The following DPP6 variants were observed in gnomAD, a reference collection of about 807,000 sequenced individuals.
DPP6 encodes A-type potassium channel modulatory protein DPP6.
DPP6 carries 69 observed loss-of-function variants against 122.6 expected under a neutral mutation model. That is an observed-to-expected ratio of 0.56 (90% confidence interval 0.46 to 0.69). DPP6 has a LOEUF of 0.69. DPP6 is among the 30% of genes least tolerant of loss of function. The pLI is 0.00. For missense variants in DPP6, 928 were observed against 1,116.9 expected, an observed-to-expected ratio of 0.83 and a Z score of 2.41; for synonymous variants, 418 against 433.1, an observed-to-expected ratio of 0.97 and a Z score of 0.43.
upstream of DPP6, among the ~76,000 whole-genome samples, chr7:154,049,347 G>A (rs1800179169): frequency 7.2e-6 from 1 of 138,242 alleles, no homozygotes; most frequent in Admixed American, 7.2e-5. Context: ...GAGGTGAAAG[G>A]TGATTAGAGA....
intron 4 of DPP6, among the ~76,000 whole-genome samples, chr7:154,548,333 G>A (rs773330511): frequency 2.6e-5 from 4 of 152,100 alleles, no homozygotes; most frequent in Admixed American, 6.6e-5. Context: ...GGGAGGCTGA[G>A]GTGGGCGGAT....
intron 1 of DPP6, among the ~76,000 whole-genome samples, chr7:154,108,551 C>T (rs3095188): frequency 5.1e-4 from 77 of 152,274 alleles, no homozygotes; most frequent in African/African-American, 1.7e-3. Context: ...CATGCGGTGC[C>T]TAGCATCACC....
chr7:154,459,951 G>T (rs1821146966), intron 2 of DPP6, among the ~76,000 whole-genome samples: 2 of 141,014 alleles, frequency 1.4e-5, no homozygotes, highest in Admixed American at 7.1e-5. Context: ...TCTGATTTAA[G>T]TCTTCTGATA....
At chr7:154,478,473 A>C (rs1040864048) in intron 3 of DPP6, among the ~76,000 whole-genome samples, 6 of 152,084 alleles carry the variant, frequency 3.9e-5, no homozygotes, top group African/African-American at 1.4e-4. Flanking sequence ...TCATAACATC[A>C]TCATCAAGAT....
At chr7:154,192,252 C>T (rs1023248838) in intron 1 of DPP6, among the ~76,000 whole-genome samples, 10 of 152,204 alleles carry the variant, frequency 6.6e-5, no homozygotes, top group Admixed American at 3.9e-4. Flanking sequence ...AATTGTACAA[C>T]GTCTTGATAG....
rs957783816 is a variant in DPP6, at chr7:154,535,880, G to T, written c.458-4652G>T. Among the ~76,000 whole-genome samples, 3 of 152,144 alleles carry T rather than the reference G, an allele frequency of 2.0e-5. No individual in the cohort carries two copies. The East Asian group carries it at 5.8e-4, about 29-fold the overall frequency. On this transcript the variant is annotated intron_variant, in intron 3 of 25. Coordinates refer to ENST00000377770, the MANE Select transcript of DPP6 (RefSeq NM_130797.4). ...AATAGACTGATTTTGCCAACTGATA[G>T]TGAAGAAATGATGTGCATGTGACTC...
the DPP6 span, among the ~76,000 whole-genome samples, chr7:153,862,599 A>G: frequency 6.6e-6 from 1 of 152,202 alleles, no homozygotes; most frequent in African/African-American, 2.4e-5. Context: ...TAATGCCTAA[A>G]CATCTTTCTC....
chr7:154,060,581 A>G lies in DPP6; in HGVS notation c.243+7518A>G, dbSNP rs1801641178. Among the ~76,000 whole-genome samples the G allele has an allele frequency of 2.9e-5, 3 of 102,272 alleles. 1 individual carries two copies. Among genetic ancestry groups the G allele is most frequent in the African/African-American group, 9.1e-5 (2 of 21,860 alleles). The allele number at this position is 102,272 out of a possible 152,430, so 67.1% of individuals were successfully genotyped here. ...TCCGACGGCAGGTACCTTACGTGGGATTACTGAGAGCCAGTCCCTCTTCCC... is the reference window on the plus strand; with the variant it reads ...TCCGACGGCAGGTACCTTACGTGGGGTTACTGAGAGCCAGTCCCTCTTCCC... On this transcript the variant is annotated intron_variant, in intron 1 of 25. Transcript: ENST00000377770.
chr7:154,062,106 C>T (rs74885052), intron 1 of DPP6, among the ~76,000 whole-genome samples: 2 of 71,282 alleles, frequency 2.8e-5, no homozygotes, highest in Admixed American at 1.4e-4. Context: ...AGAGGGGGGA[C>T]GCACCCCCCG....
At chr7:153,809,429 A>C in the DPP6 span, among the ~76,000 whole-genome samples, 1 of 152,128 alleles carries the variant, frequency 6.6e-6, no homozygotes, top group Non-Finnish European at 1.5e-5. Flanking sequence ...AGATGCTCAA[A>C]GCGGGATTGA....
chr7:154,152,093 A>G (rs1230631235), intron 1 of DPP6, among the ~76,000 whole-genome samples: 1 of 151,064 alleles, frequency 6.6e-6, no homozygotes, highest in African/African-American at 2.4e-5. Context: ...GCCTTGGTGC[A>G]TCCTAGATGT....
At chr7:154,822,931 A>G (rs1282968327) in intron 16 of DPP6, among the ~76,000 whole-genome samples, 2 of 152,226 alleles carry the variant, frequency 1.3e-5, no homozygotes, top group Non-Finnish European at 1.5e-5. Context: ...CCTGACATCT[A>G]GTGCAAGAGC....
the DPP6 span, among the ~76,000 whole-genome samples, chr7:153,806,393 G>T: frequency 6.6e-6 from 1 of 151,580 alleles, no homozygotes; most frequent in African/African-American, 2.4e-5. Flanking sequence ...TAATTCATTG[G>T]TTTACTTCTT....
At chr7:154,247,935 T>C (rs1466509503) in intron 1 of DPP6, among the ~76,000 whole-genome samples, 1 of 152,188 alleles carries the variant, frequency 6.6e-6, no homozygotes, top group African/African-American at 2.4e-5. Context: ...GGCTGCTATA[T>C]AACAAAGTGC....
chr7:154,807,164 A>C, intron 16 of DPP6, 52 bp downstream of exon 16: 1 of 1,448,692 alleles, frequency 6.9e-7, no homozygotes, highest in Non-Finnish European at 9.3e-7. Flanking sequence ...GCACATTTGC[A>C]GGGAGGGGGT....
intron 1 of DPP6, among the ~76,000 whole-genome samples, chr7:154,402,462 T>C (rs558398689): frequency 0.015 from 2,324 of 150,356 alleles, 57 homozygotes; most frequent in African/African-American, 0.054. Context: ...CATGGATGAA[T>C]TTGGAAATCA....
At chr7:154,597,322 G>T (rs6964871) in intron 5 of DPP6, among the ~76,000 whole-genome samples, 89,933 of 151,844 alleles carry the variant, frequency 0.59, 27,123 homozygotes, top group African/African-American at 0.7. Context: ...TGAGTAGCAT[G>T]GCTGGGCACC....
chr7:154,020,799 C>T (rs956747364), intron 1 of DPP6, among the ~76,000 whole-genome samples: 1 of 152,004 alleles, frequency 6.6e-6, no homozygotes, highest in African/African-American at 2.4e-5. Context: ...CTAGAAAGGT[C>T]TGGGGCAAAG....
chr7:154,629,011 C>A (rs1835253743), intron 5 of DPP6, among the ~76,000 whole-genome samples: 1 of 152,098 alleles, frequency 6.6e-6, no homozygotes, highest in Non-Finnish European at 1.5e-5. Context: ...TCGGACTCCT[C>A]AAGGTTATCA....
Sources: gnomAD v4.1 joint callset for allele counts (sites outside exome capture counted in the v4.1 genomes callset) on GRCh38, gnomAD v4.1.1 for gene constraint, MANE v1.5 for transcripts, NCBI Gene and HGNC (gene_info 2026-07-23, HGNC 2026-07-21) for gene names.